LARS1: variants seen among roughly 807,000 people sequenced by gnomAD.
LARS1 encodes leucine--tRNA ligase, cytoplasmic.
A neutral mutation model predicts 162.8 loss-of-function variants in LARS1; 100 were observed. That is an observed-to-expected ratio of 0.61 (90% CI 0.52 to 0.73). LARS1 has a LOEUF of 0.73. LARS1 is among the 30% of genes least tolerant of loss of function. The pLI, the probability that LARS1 is intolerant of heterozygous loss-of-function variation, is 0.00. For synonymous variants in LARS1, 457 were observed against 462.8 expected (o/e 0.99, Z 0.16); for missense variants, 1,258 against 1,408.9 (o/e 0.89, Z 1.71).
Position 146,143,476 on chromosome 5 carries a change from TG to T in LARS1, c.1812del (p.Tyr604Ter), listed in dbSNP as rs752441753. On this transcript the variant is annotated frameshift_variant, in exon 19 of 32. Coordinates refer to ENST00000394434, the MANE Select transcript of LARS1 (RefSeq NM_020117.11). LOFTEE classifies it high-confidence loss of function. Reference sequence around the variant, plus strand: ...CCCCCCTGCAATAGGTGTGCAACTGTGTAAAATGCCATGTAAATAGTGGAGT... The same window carrying T: ...CCCCCCTGCAATAGGTGTGCAACTGTTAAAATGCCATGTAAATAGTGGAGT... ...LSDSTIYMAF[Y>X]TVAHLLQGGN... is the part of the protein sequence containing the mutation. The T allele has an allele frequency of 3.1e-6, 5 of 1,614,030 alleles. No individual in the cohort carries two copies. In the Admixed American group the frequency reaches 5.0e-5, roughly 16 times the overall value.
intron 2 of LARS1, among the ~76,000 whole-genome samples, chr5:146,174,499 TCC>T (rs72015650): frequency 0.027 from 268 of 10,014 alleles, 11 homozygotes; most frequent in Middle Eastern, 0.11. Context: ...TATATATATA[TCC>T]ATATATATAT....
intron 4 of LARS1, 96 bp from the exon 5 acceptor site, chr5:146,168,361 A>G: frequency 1.5e-6 from 2 of 1,347,418 alleles, no homozygotes; most frequent in Non-Finnish European, 2.0e-6. Flanking sequence ...TGACTCTGAA[A>G]TTTTTTGCAA....
intron 31 of LARS1, 126 bp downstream of exon 31, chr5:146,120,245 A>T: frequency 9.9e-7 from 1 of 1,010,588 alleles, no homozygotes; most frequent in Non-Finnish European, 1.5e-6. Context: ...TTCTGATCCC[A>T]GTACTTTTTC....
intron 14 of LARS1, 140 bp from the exon 15 acceptor site, chr5:146,149,839 T>C (rs1753194769): frequency 3.0e-6 from 2 of 657,348 alleles, no homozygotes; most frequent in East Asian, 2.7e-5. Context: ...TTTACAACGA[T>C]AATTTTTCAT....
intron 13 of LARS1, among the ~76,000 whole-genome samples, chr5:146,152,358 G>A (rs2963915): frequency 0.6 from 91,162 of 151,988 alleles, 27,988 homozygotes; most frequent in Middle Eastern, 0.79. Context: ...GATGTGGACC[G>A]GTACCAGTCC....
intron 21 of LARS1, chr5:146,138,326 C>T (rs1752602309): frequency 5.9e-6 from 1 of 169,678 alleles, no homozygotes; most frequent in Non-Finnish European, 1.4e-5. Context: ...AACAATCTTC[C>T]TGCTAAAGGT....
chr5:146,169,668 C>T (rs960107113), intron 4 of LARS1, among the ~76,000 whole-genome samples: 18 of 151,910 alleles, frequency 1.2e-4, no homozygotes. Context: ...CCTGACATAG[C>T]CTCCGAAGTA....
intron 20 of LARS1, among the ~76,000 whole-genome samples, chr5:146,140,870 T>C (rs191718185): frequency 7.9e-5 from 12 of 151,914 alleles, no homozygotes; most frequent in Non-Finnish European, 1.3e-4. Flanking sequence ...CACACACACA[T>C]ATATATACAC....
At position 146,143,123 on chromosome 5, in the gene LARS1, ATATG is replaced by A. The variant is rs768070259; in HGVS notation, c.1878-43_1878-40del. On this transcript the variant is annotated intron_variant, in intron 19 of 31. Coordinates refer to ENST00000394434, the MANE Select transcript of LARS1 (RefSeq NM_020117.11). Reference sequence around the variant, plus strand: ...AAAACAAACTATTTTATATATATATATATGTAATTTCTTTGGAAGAATCAGTACC... The same window carrying A: ...AAAACAAACTATTTTATATATATATATAATTTCTTTGGAAGAATCAGTACC... The A allele has an allele frequency of 1.1e-5, 12 of 1,093,352 alleles. No individual in the cohort carries two copies. In the African/African-American group the frequency reaches 1.9e-4, roughly 17 times the overall value. The allele number at this position is 1,093,352 out of a possible 1,614,324, so 67.7% of individuals were successfully genotyped here.
chr5:146,153,172 A>G lies in LARS1; in HGVS notation c.1284+2T>C. Reference sequence around the variant, plus strand: ...AATATTCTGAATTATCTATGTACTCACCGGCTCAAATGGCAAGACCATGTC... The same window carrying G: ...AATATTCTGAATTATCTATGTACTCGCCGGCTCAAATGGCAAGACCATGTC... On this transcript the variant is annotated splice_donor_variant, in intron 13 of 31. Coordinates refer to ENST00000394434, the MANE Select transcript of LARS1 (RefSeq NM_020117.11). LOFTEE classifies it high-confidence loss of function. 6.2e-7 allele frequency: 1 copy of G among 1,609,772 alleles called. No homozygotes were observed. Among genetic ancestry groups the G allele is most frequent in the Non-Finnish European group, 8.5e-7 (1 of 1,176,412 alleles).
chr5:146,126,568 G>T, intron 27 of LARS1, 23 bp from the exon 28 acceptor site: 1 of 1,520,226 alleles, frequency 6.6e-7, no homozygotes, highest in Non-Finnish European at 9.1e-7. Context: ...AGGAGGGAGA[G>T]TAATGTAGAA....
intron 10 of LARS1, 51 bp downstream of exon 10, chr5:146,157,352 A>G: frequency 6.7e-7 from 1 of 1,488,996 alleles, no homozygotes; most frequent in Non-Finnish European, 9.4e-7. Context: ...CATTGTTGAA[A>G]TTTTCCTTGA....
intron 21 of LARS1, chr5:146,138,728 C>CAAAAAAAAAAAAAAAAAAAAA (rs879232853): frequency 8.7e-6 from 1 of 114,896 alleles, no homozygotes. Flanking sequence ...GACTCTGTCT[C>CAAAAAAAAAAAAAAAAAAAAA]AAAAAAAAAA....
At chr5:146,115,046 GAA>G (rs35008800) in intron 31 of LARS1, among the ~76,000 whole-genome samples, 176 of 97,640 alleles carry the variant, frequency 1.8e-3, no homozygotes, top group African/African-American at 5.0e-3. Context: ...CTGTCGGGGG[GAA>G]AAAAAAAAAA....
intron 27 of LARS1, among the ~76,000 whole-genome samples, chr5:146,127,102 G>A (rs1205037022): frequency 6.6e-6 from 1 of 151,882 alleles, no homozygotes; most frequent in Non-Finnish European, 1.5e-5. Context: ...AAATATTAAC[G>A]GTCCCCTCAA....
chr5:146,181,362 C>A (rs545291136), intron 1 of LARS1, among the ~76,000 whole-genome samples: 5 of 66,026 alleles, frequency 7.6e-5, no homozygotes, highest in Non-Finnish European at 1.2e-4. Flanking sequence ...AAGAAAAAAA[C>A]AAACAAACAA....
At chr5:146,167,799 G>A (rs1371026877) in intron 5 of LARS1, among the ~76,000 whole-genome samples, 12 of 151,704 alleles carry the variant, frequency 7.9e-5, no homozygotes, top group Admixed American at 7.9e-4. Flanking sequence ...CAAGTGCTGG[G>A]ATTACAGGCG....
chr5:146,127,598 T>C (rs1183219166), intron 27 of LARS1, among the ~76,000 whole-genome samples: 1 of 152,118 alleles, frequency 6.6e-6, no homozygotes, highest in Non-Finnish European at 1.5e-5. Context: ...CTTCCACTGC[T>C]TCCTTGAAAT....
chr5:146,155,824 GT>G (rs1753501924), intron 10 of LARS1, among the ~76,000 whole-genome samples: 1 of 152,172 alleles, frequency 6.6e-6, no homozygotes, highest in Non-Finnish European at 1.5e-5. Flanking sequence ...CCCTAATACT[GT>G]TCCCAAGAAC....
Sources: gnomAD v4.1 joint callset for allele counts (sites outside exome capture counted in the v4.1 genomes callset) on GRCh38, gnomAD v4.1.1 for gene constraint, MANE v1.5 for transcripts, NCBI Gene and HGNC (gene_info 2026-07-23, HGNC 2026-07-21) for gene names.